The following BNC2 variants were observed in gnomAD, a reference collection of about 807,000 sequenced individuals.
BNC2 encodes basonuclin zinc finger protein 2.
Under a neutral mutation model 76.3 loss-of-function variants are expected in BNC2, and 20 were observed. The ratio of observed to expected loss-of-function variants is 0.26; its 90% CI spans 0.18 to 0.38. BNC2 has a LOEUF of 0.38. Among genes scored for constraint, BNC2 ranks in the 10% least tolerant of loss-of-function variants. BNC2 has a pLI of 1.00. For synonymous variants in BNC2, 582 were observed against 514.8 expected, an observed-to-expected ratio of 1.13 and a Z score of -1.77; for missense variants, 1,382 against 1,399.8, an observed-to-expected ratio of 0.99 and a Z score of 0.20.
At chr9:16,477,551 T>C (rs1821952860) in intron 5 of BNC2, among the ~76,000 whole-genome samples, 1 of 152,230 alleles carries the variant, frequency 6.6e-6, no homozygotes, top group Admixed American at 6.5e-5. Context: ...GCTTCCTGAC[T>C]TTAAATTTTT....
In BNC2 at chr9:16,870,649, C is replaced by T; in HGVS notation, c.-1G>A. 6.2e-7 allele frequency: 1 copy of T among 1,611,202 alleles called. No individual in the cohort carries two copies. The highest frequency in any genetic ancestry group is 8.5e-7 in the Non-Finnish European group (1 of 1,178,664). On this transcript the variant is annotated 5_prime_UTR_variant, in exon 1 of 7. Coordinates refer to ENST00000380672, the MANE Select transcript of BNC2 (RefSeq NM_017637.6). ...AAGGAGGGTGGAAACTTCTTACCAT[C>T]TCGGCATGCTGGTTGTCAAGTGCAG...
intron 3 of BNC2, among the ~76,000 whole-genome samples, chr9:16,618,326 C>T (rs1394581543): frequency 1.3e-5 from 2 of 152,194 alleles, no homozygotes; most frequent in African/African-American, 4.8e-5. Context: ...ACGTAGATTT[C>T]AGTTCATTCT....
At chr9:16,870,569 C>A in intron 1 of BNC2, 77 bp downstream of exon 1, 1 of 1,562,192 alleles carries the variant, frequency 6.4e-7, no homozygotes, top group Non-Finnish European at 8.7e-7. Context: ...CCCGGGCGGC[C>A]CCGGTGGCGC....
chr9:16,479,905 C>G (rs1208621916), intron 5 of BNC2, among the ~76,000 whole-genome samples: 1 of 152,108 alleles, frequency 6.6e-6, no homozygotes, highest in Admixed American at 6.5e-5. Context: ...TGACAGTTTC[C>G]AAATGTTTCT....
chr9:16,844,394 C>A (rs1250666858), intron 1 of BNC2, among the ~76,000 whole-genome samples: 2 of 150,326 alleles, frequency 1.3e-5, no homozygotes, highest in Non-Finnish European at 3.0e-5. Context: ...CAAGTACACA[C>A]CTTAAAAAAA....
At chr9:16,470,405 T>C (rs551144423) in intron 5 of BNC2, among the ~76,000 whole-genome samples, 11 of 152,338 alleles carry the variant, frequency 7.2e-5, no homozygotes, top group African/African-American at 1.4e-4. Context: ...TCAAGCCAGA[T>C]GCAGAAATTT....
chr9:16,520,146 A>G (rs1300016934), intron 5 of BNC2, among the ~76,000 whole-genome samples: 1 of 152,186 alleles, frequency 6.6e-6, no homozygotes, highest in African/African-American at 2.4e-5. Context: ...CAGGAGGCCT[A>G]CGAGGAAACC....
chr9:16,847,396 C>CGGGGGGG (rs200844827), intron 1 of BNC2, among the ~76,000 whole-genome samples: 4 of 20,052 alleles, frequency 2.0e-4, no homozygotes, highest in Non-Finnish European at 3.0e-4. Context: ...GAAGATTTCT[C>CGGGGGGG]GGGGCGGGGG....
intron 3 of BNC2, among the ~76,000 whole-genome samples, chr9:16,652,430 T>C (rs1821818845): frequency 6.6e-6 from 1 of 151,486 alleles, no homozygotes; most frequent in South Asian, 2.1e-4. Context: ...AATGGAGATG[T>C]AGAAAATAAT....
intron 5 of BNC2, among the ~76,000 whole-genome samples, chr9:16,524,756 T>G (rs973542324): frequency 2.0e-5 from 3 of 152,216 alleles, no homozygotes; most frequent in Non-Finnish European, 4.4e-5. Flanking sequence ...ATAACAATCC[T>G]GGCTGAAAAA....
chr9:16,820,069 G>A (rs1818282449), intron 1 of BNC2, among the ~76,000 whole-genome samples: 1 of 142,154 alleles, frequency 7.0e-6, no homozygotes, highest in Non-Finnish European at 1.5e-5. Flanking sequence ...AGGCTGCAGT[G>A]AGCCGAGATC....
intron 5 of BNC2, among the ~76,000 whole-genome samples, chr9:16,453,022 C>T (rs1425877805): frequency 2.0e-5 from 3 of 152,138 alleles, no homozygotes; most frequent in African/African-American, 7.2e-5. Context: ...GGCTACTGGA[C>T]GGATTTAAAC....
intron 3 of BNC2, among the ~76,000 whole-genome samples, chr9:16,672,782 C>T (rs1822518095): frequency 6.6e-6 from 1 of 152,118 alleles, no homozygotes; most frequent in South Asian, 2.1e-4. Flanking sequence ...ACACTGTCGC[C>T]AAATTCTGCT....
intron 1 of BNC2, among the ~76,000 whole-genome samples, chr9:16,811,766 G>A (rs1034473026): frequency 6.6e-6 from 1 of 152,152 alleles, no homozygotes; most frequent in Non-Finnish European, 1.5e-5. Context: ...CACTAGTGTT[G>A]AAAGGAAAAG....
chr9:16,500,041 T>A (rs1822485907), intron 5 of BNC2, among the ~76,000 whole-genome samples: 3 of 151,966 alleles, frequency 2.0e-5, no homozygotes. Context: ...AACTCCCAGA[T>A]TCTTAGCCTA....
intron 1 of BNC2, among the ~76,000 whole-genome samples, chr9:16,865,052 A>T (rs928440875): frequency 7.1e-6 from 1 of 141,028 alleles, no homozygotes; most frequent in Non-Finnish European, 1.6e-5. Flanking sequence ...AAAAAAAAAA[A>T]GACACTGAAA....
At chr9:16,653,902 C>T (rs1821857121) in intron 3 of BNC2, among the ~76,000 whole-genome samples, 1 of 152,110 alleles carries the variant, frequency 6.6e-6, no homozygotes, top group African/African-American at 2.4e-5. Context: ...TGTGTTACTG[C>T]TCTTTGCTTT....
At chr9:16,731,773 A>T (rs1824511553) in intron 2 of BNC2, among the ~76,000 whole-genome samples, 1 of 152,212 alleles carries the variant, frequency 6.6e-6, no homozygotes, top group African/African-American at 2.4e-5. Flanking sequence ...CTTATTAAGC[A>T]TTTCATAGCT....
intron 1 of BNC2, among the ~76,000 whole-genome samples, chr9:16,804,914 T>C (rs1397535517): frequency 6.6e-6 from 1 of 151,854 alleles, no homozygotes; most frequent in Admixed American, 6.6e-5. Context: ...ATACAAAAAT[T>C]AGCCGGGTGT....
Sources: gnomAD v4.1 joint callset for allele counts (sites outside exome capture counted in the v4.1 genomes callset) on GRCh38, gnomAD v4.1.1 for gene constraint, MANE v1.5 for transcripts, NCBI Gene and HGNC (gene_info 2026-07-23, HGNC 2026-07-21) for gene names.